The following ULK4 variants were observed in gnomAD, a reference collection of about 807,000 sequenced individuals.
ULK4 encodes the protein inactive serine/threonine-protein kinase ULK4.
In ULK4, 133 loss-of-function variants were observed where a neutral mutation model predicts 160.6. The ratio of observed to expected loss-of-function variants is 0.83; its 90% CI spans 0.72 to 0.96. The LOEUF (loss-of-function observed/expected upper bound fraction) is 0.96, where lower values mean the gene tolerates loss of function less well. Ranked by LOEUF, ULK4 falls within the 40% of genes least tolerant of loss-of-function variation. The pLI, the probability that ULK4 is intolerant of heterozygous loss-of-function variation, is 0.00. For synonymous variants in ULK4, 534 were observed against 539.8 expected, an observed-to-expected ratio of 0.99 and a Z score of 0.15; for missense variants, 1,580 against 1,499.5, an observed-to-expected ratio of 1.05 and a Z score of -0.89.
At position 41,246,929 on chromosome 3, in the gene ULK4, CT is replaced by C. The variant is rs1269814254; in HGVS notation, c.3827del (p.Ter1276TrpfsTer6). 2 of 1,613,602 alleles carry C rather than the reference CT, an allele frequency of 1.2e-6. No individual in the cohort carries two copies. The highest frequency in any genetic ancestry group is 1.7e-6 in the Non-Finnish European group (2 of 1,179,882). On this transcript the variant is annotated frameshift_variant and stop_lost, in exon 37 of 37. Transcript: ENST00000301831. LOFTEE classifies it high-confidence loss of function. ...GGGCTTGTGCTAAGCACCTTCTTGC[CT>C]AGTGCCCAACGGCTTGGAGGATTTC... ...ALEILQAVGH[*>X]
At chr3:41,269,635 G>A (rs1186645168) in intron 35 of ULK4, among the ~76,000 whole-genome samples, 2 of 152,142 alleles carry the variant, frequency 1.3e-5, no homozygotes. Context: ...GAAATACAAT[G>A]TATAAAGATG....
chr3:41,334,929 G>C (rs1306528506), intron 35 of ULK4, among the ~76,000 whole-genome samples: 1 of 152,214 alleles, frequency 6.6e-6, no homozygotes, highest in African/African-American at 2.4e-5. Context: ...GTCATAGCTA[G>C]AGGGGAAGGG....
intron 31 of ULK4, among the ~76,000 whole-genome samples, chr3:41,572,111 G>A (rs562932225): frequency 6.6e-6 from 1 of 152,232 alleles, no homozygotes; most frequent in African/African-American, 2.4e-5. Flanking sequence ...ATTGAGGTTA[G>A]TGAAGTCAAG....
chr3:41,572,979 G>A (rs1055259680), intron 31 of ULK4, among the ~76,000 whole-genome samples: 5 of 152,068 alleles, frequency 3.3e-5, no homozygotes, highest in African/African-American at 1.2e-4. Flanking sequence ...GCCCACAAAA[G>A]GCAATCCCAC....
intron 3 of ULK4, chr3:41,937,062 A>T: frequency 2.5e-6 from 1 of 395,916 alleles, no homozygotes; most frequent in East Asian, 3.8e-5. Flanking sequence ...TACAAAAATT[A>T]AATATTAATA....
intron 31 of ULK4, among the ~76,000 whole-genome samples, chr3:41,579,772 G>A (rs967975440): frequency 1.5e-4 from 23 of 152,190 alleles, no homozygotes; most frequent in African/African-American, 5.1e-4. Flanking sequence ...GATTACAGGC[G>A]TGAGCCACCG....
intron 32 of ULK4, among the ~76,000 whole-genome samples, chr3:41,561,193 CT>C (rs1278184445): frequency 6.6e-6 from 1 of 152,172 alleles, no homozygotes; most frequent in African/African-American, 2.4e-5. Flanking sequence ...TTGAACCAGC[CT>C]TGCATCCCAG....
chr3:41,807,181 A>T (rs1436340499), intron 19 of ULK4, among the ~76,000 whole-genome samples: 1 of 152,160 alleles, frequency 6.6e-6, no homozygotes, highest in Admixed American at 6.5e-5. Context: ...AACATTTTAT[A>T]TATATGATAC....
intron 32 of ULK4, among the ~76,000 whole-genome samples, chr3:41,496,932 C>G (rs2085012816): frequency 1.3e-5 from 2 of 151,880 alleles, no homozygotes; most frequent in South Asian, 4.2e-4. Flanking sequence ...TCAACCTTCT[C>G]TAAAGGAAGA....
chr3:41,737,500 A>G (rs2038095858), intron 22 of ULK4, among the ~76,000 whole-genome samples: 1 of 151,936 alleles, frequency 6.6e-6, no homozygotes, highest in Non-Finnish European at 1.5e-5. Flanking sequence ...TCTTCACAGA[A>G]CTGGAAAAAA....
intron 21 of ULK4, among the ~76,000 whole-genome samples, chr3:41,763,906 G>A (rs1282234423): frequency 1.3e-5 from 2 of 152,146 alleles, no homozygotes; most frequent in African/African-American, 4.8e-5. Flanking sequence ...TCTGAGCATA[G>A]AGCAAATATT....
At chr3:41,769,845 G>T (rs1216573932) in intron 21 of ULK4, among the ~76,000 whole-genome samples, 3 of 152,118 alleles carry the variant, frequency 2.0e-5, no homozygotes, top group Admixed American at 2.0e-4. Context: ...ATCTCAAGGG[G>T]TAAAATTGAT....
rs759848838 is a variant in ULK4, at chr3:41,911,655, T to G, written c.901A>C (p.Asn301His). The G allele has an allele frequency of 2.9e-5, 47 of 1,611,240 alleles. No homozygotes were observed. The Middle Eastern group carries it at 4.9e-4, about 17-fold the overall frequency. Residue 301 changes from asparagine to histidine, a missense_variant, in exon 10 of 37, where the codon AAC becomes CAC. Physicochemically the swap from Asn to His is moderately conservative, Grantham distance 68 (BLOSUM62 1). Coordinates refer to ENST00000301831, the MANE Select transcript of ULK4 (RefSeq NM_017886.4). ...TGTGGCCCAGAACACTCCATAGTGT[T>G]TCTGCTATTATTGGAGAAAACCAAC... is the stretch of plus-strand genomic sequence containing the variant. ...SSVEDLSLSR[N>H]TMECSGPQDS...
chr3:41,881,338 G>A (rs1697513873), intron 17 of ULK4, among the ~76,000 whole-genome samples: 1 of 147,018 alleles, frequency 6.8e-6, no homozygotes, highest in Non-Finnish European at 1.5e-5. Flanking sequence ...ATGGTACCAT[G>A]TACCTGCTCA....
Position 41,804,992 on chromosome 3 carries a change from T to G in ULK4, c.1849-4699A>C, listed in dbSNP as rs1261255573. On this transcript the variant is annotated intron_variant, in intron 19 of 36. Coordinates refer to ENST00000301831, the MANE Select transcript of ULK4 (RefSeq NM_017886.4). ...CTCTTTTTTGGTTCCATATGAAATT[T>G]AAAGTAGTTTTTTCAAATTCTGTGA... Among the ~76,000 whole-genome samples, 18 of 152,296 alleles carry G rather than the reference T, an allele frequency of 1.2e-4. No homozygotes were observed. In the South Asian group the frequency reaches 3.3e-3, roughly 28 times the overall value.
At chr3:41,460,387 T>A (rs2083655028) in intron 33 of ULK4, among the ~76,000 whole-genome samples, 1 of 152,232 alleles carries the variant, frequency 6.6e-6, no homozygotes, top group South Asian at 2.1e-4. Flanking sequence ...GCCTCATTAT[T>A]CATTCTGCAG....
chr3:41,330,349 T>C (rs1410126544), intron 35 of ULK4, among the ~76,000 whole-genome samples: 1 of 152,184 alleles, frequency 6.6e-6, no homozygotes, highest in Non-Finnish European at 1.5e-5. Flanking sequence ...TCTGGACATT[T>C]TCCAAGGCTG....
Position 41,921,882 on chromosome 3 carries a change from G to A in ULK4, c.542-2064C>T, listed in dbSNP as rs184113405. On this transcript the variant is annotated intron_variant, in intron 5 of 36. Transcript: ENST00000301831. ...AACAAAGTTGGAGCCGGCCAGATGC[G>A]GTGGCTAACACCTGTAATCCCACCA... Among the ~76,000 whole-genome samples, 54 of 152,232 alleles carry A rather than the reference G, an allele frequency of 3.5e-4. 1 individual carries two copies. In the East Asian group the frequency reaches 7.6e-3, roughly 21 times the overall value.
At chr3:41,916,082 T>A in intron 7 of ULK4, 30 bp from the exon 8 acceptor site, 1 of 1,429,912 alleles carries the variant, frequency 7.0e-7, no homozygotes, top group Non-Finnish European at 9.6e-7. Context: ...CAAGAAAAAA[T>A]GATAAGTAGT....
Sources: allele counts gnomAD v4.1 joint callset (sites outside exome capture counted in the v4.1 genomes callset), GRCh38; gene constraint gnomAD v4.1.1; transcripts MANE v1.5; gene names NCBI Gene and HGNC (gene_info 2026-07-23, HGNC 2026-07-21).